Variants in RUNDC3B observed in about 807,000 individuals in gnomAD.
RUNDC3B encodes the protein RUN domain-containing protein 3B.
In RUNDC3B, 33 loss-of-function variants were observed where a neutral mutation model predicts 58.4. That is an observed-to-expected ratio of 0.56 (90% CI 0.43 to 0.75). The LOEUF (loss-of-function observed/expected upper bound fraction) is 0.75, where lower values mean the gene tolerates loss of function less well. Among genes scored for constraint, RUNDC3B ranks in the 30% least tolerant of loss-of-function variants. The pLI is 0.00. For missense variants in RUNDC3B, 501 were observed against 535.7 expected (o/e 0.94, Z 0.64); for synonymous variants, 193 against 195.2 (o/e 0.99, Z 0.10).
chr7:87,700,248 T>G (rs1828903275), intron 2 of RUNDC3B, among the ~76,000 whole-genome samples, 173 bp from the exon 3 acceptor site: 1 of 152,184 alleles, frequency 6.6e-6, no homozygotes, highest in South Asian at 2.1e-4. Flanking sequence ...ACACCACTAG[T>G]TAAAGATAGA....
At chr7:87,793,104 G>T (rs1248589684) in intron 8 of RUNDC3B, among the ~76,000 whole-genome samples, 2 of 152,010 alleles carry the variant, frequency 1.3e-5, no homozygotes, top group Admixed American at 6.6e-5. Context: ...TAGAGGAAAT[G>T]GATAAATTCC....
chr7:87,667,352 G>T (rs905604502), intron 2 of RUNDC3B, among the ~76,000 whole-genome samples: 3 of 151,478 alleles, frequency 2.0e-5, no homozygotes, highest in Non-Finnish European at 2.9e-5. Flanking sequence ...CTGCAACTTT[G>T]CTGGAGTTGT....
rs138078303 is a variant in RUNDC3B, at chr7:87,773,876, C to T, written c.798+3127C>T. Among the ~76,000 whole-genome samples, 21 of 152,120 alleles carry T rather than the reference C, an allele frequency of 1.4e-4. No homozygotes were observed. In the East Asian group the frequency reaches 3.7e-3, roughly 27 times the overall value. On this transcript the variant is annotated intron_variant, in intron 7 of 10. Transcript: ENST00000394654. ...TATTTTTAGTAGAGACGGGGTTTCACGACGTTGGCTAGGCTGGTCTCTAAC... is the reference window on the plus strand; with the variant it reads ...TATTTTTAGTAGAGACGGGGTTTCATGACGTTGGCTAGGCTGGTCTCTAAC...
At chr7:87,679,411 C>T (rs1772998193) in intron 2 of RUNDC3B, among the ~76,000 whole-genome samples, 1 of 149,114 alleles carries the variant, frequency 6.7e-6, no homozygotes. Flanking sequence ...TTTTTTAAGA[C>T]AGGATCTCAC....
intron 2 of RUNDC3B, among the ~76,000 whole-genome samples, chr7:87,673,100 G>T (rs1030373914): frequency 6.6e-6 from 1 of 152,058 alleles, no homozygotes; most frequent in Non-Finnish European, 1.5e-5. Flanking sequence ...TGCCTGATCG[G>T]GTTCCCTTTG....
chr7:87,641,686 T>A (rs912800894), intron 1 of RUNDC3B, among the ~76,000 whole-genome samples: 2 of 152,140 alleles, frequency 1.3e-5, no homozygotes, highest in Non-Finnish European at 2.9e-5. Flanking sequence ...CAAAAACAAA[T>A]CCTCCAAAAT....
chr7:87,642,824 G>T (rs1400971643), intron 1 of RUNDC3B, among the ~76,000 whole-genome samples: 1 of 152,076 alleles, frequency 6.6e-6, no homozygotes, highest in Non-Finnish European at 1.5e-5. Context: ...CCATTCTTAA[G>T]TGTCTAGATT....
chr7:87,697,581 G>A (rs770627166), intron 2 of RUNDC3B, among the ~76,000 whole-genome samples: 3 of 152,186 alleles, frequency 2.0e-5, no homozygotes, highest in Non-Finnish European at 4.4e-5. Flanking sequence ...ATTTAACTTT[G>A]CATCTCATTC....
rs372492696 is a variant in RUNDC3B, at chr7:87,816,182, G to A, written c.1145G>A (p.Ser382Asn). ...CTTGACCAGTTATCAGCAGAAGTTA[G>A]CCTTTCTCAGACTTCACTAGATCCA... ...QSLDQLSAEV[S>N]LSQTSLDPGQ... The change falls in exon 10 of 11, where the codon AGC (serine) becomes AAC (asparagine). Residue 382 changes from serine to asparagine, a missense_variant. By Grantham distance (46) the Ser-to-Asn change is conservative. Transcript: ENST00000394654. 9.9e-6 allele frequency: 16 copies of A among 1,609,836 alleles called. No homozygotes were observed. The African/African-American group carries it at 1.2e-4, about 12-fold the overall frequency.
chr7:87,655,345 T>TA (rs891464706), intron 2 of RUNDC3B, among the ~76,000 whole-genome samples: 69 of 151,066 alleles, frequency 4.6e-4, no homozygotes, highest in African/African-American at 1.4e-3. Flanking sequence ...GATGAGTCGA[T>TA]AAAAAAAAAG....
chr7:87,827,823 T>C (rs1837903846), intron 10 of RUNDC3B, among the ~76,000 whole-genome samples: 1 of 152,138 alleles, frequency 6.6e-6, no homozygotes, highest in African/African-American at 2.4e-5. Context: ...TAACTTCTTC[T>C]TAAGTACAGA....
At chr7:87,766,267 G>A (rs1301465855) in intron 6 of RUNDC3B, among the ~76,000 whole-genome samples, 1 of 152,098 alleles carries the variant, frequency 6.6e-6, no homozygotes, top group East Asian at 1.9e-4. Context: ...GAGGCCATGT[G>A]AGGTTCTGTT....
intron 1 of RUNDC3B, among the ~76,000 whole-genome samples, chr7:87,649,800 C>T (rs552276882): frequency 8.5e-5 from 13 of 152,244 alleles, no homozygotes; most frequent in South Asian, 4.2e-4. Flanking sequence ...ATCATGGCAG[C>T]GGGCCTTTCC....
chr7:87,778,147 A>T (rs905238742), intron 8 of RUNDC3B, among the ~76,000 whole-genome samples, 192 bp downstream of exon 8: 2 of 152,208 alleles, frequency 1.3e-5, no homozygotes, highest in African/African-American at 4.8e-5. Context: ...GAAACTTAAA[A>T]AAATACAAGA....
intron 3 of RUNDC3B, among the ~76,000 whole-genome samples, chr7:87,702,517 C>A (rs938826374): frequency 6.6e-6 from 1 of 152,060 alleles, no homozygotes; most frequent in Admixed American, 6.5e-5. Context: ...TGGCTTCGAG[C>A]AGTCTTTCTG....
At chr7:87,722,094 T>A (rs1223939703) in intron 4 of RUNDC3B, among the ~76,000 whole-genome samples, 6 of 152,160 alleles carry the variant, frequency 3.9e-5, no homozygotes, top group South Asian at 4.1e-4. Context: ...ATTTTTTTTT[T>A]AAATTACTTG....
intron 4 of RUNDC3B, among the ~76,000 whole-genome samples, chr7:87,714,887 C>T (rs369377720): frequency 6.6e-6 from 1 of 152,048 alleles, no homozygotes; most frequent in African/African-American, 2.4e-5. Context: ...TCCCTGACCG[C>T]ACGTCCATTC....
chr7:87,697,236 A>G (rs1042689615), intron 2 of RUNDC3B, among the ~76,000 whole-genome samples: 11 of 152,286 alleles, frequency 7.2e-5, no homozygotes, highest in South Asian at 2.1e-4. Flanking sequence ...GCCATTGGCT[A>G]ATACAATGTT....
rs777845366 is a variant in RUNDC3B at position 87,628,905 on chromosome 7, A to C, written c.82A>C (p.Asn28His). 7.6e-7 allele frequency: 1 copy of C among 1,308,186 alleles called. No homozygotes were observed. The highest frequency in any genetic ancestry group is 3.1e-5 in the Admixed American group (1 of 32,060). 81.0% of individuals were successfully genotyped at this position (1,308,186 alleles called of 1,614,324 possible). ...GGGKKSLSAR[N>H]AAVERRNLIT... Reference sequence around the variant, plus strand: ...CGGCAAGAAAAGCCTGAGCGCCCGCAATGCTGCGGTGGAGAGGAGGAACCT... The same window carrying C: ...CGGCAAGAAAAGCCTGAGCGCCCGCCATGCTGCGGTGGAGAGGAGGAACCT... Residue 28 changes from asparagine to histidine, a missense_variant, in exon 1 of 11, where the codon AAT (asparagine) becomes CAT (histidine). Coordinates refer to ENST00000394654, the MANE Select transcript of RUNDC3B (RefSeq NM_001134405.2).
Sources: allele counts gnomAD v4.1 joint callset (sites outside exome capture counted in the v4.1 genomes callset), GRCh38; gene constraint gnomAD v4.1.1; transcripts MANE v1.5; gene names NCBI Gene and HGNC (gene_info 2026-07-23, HGNC 2026-07-21).